Variants in EPHB1 observed in about 807,000 individuals in gnomAD.
EPHB1 encodes the protein EPH receptor B1, also known as ephrin type-B receptor 1.
Under a neutral mutation model 94.4 loss-of-function variants are expected in EPHB1, and 30 were observed. The observed-to-expected ratio is 0.32, with a 90% CI of 0.24 to 0.43. The LOEUF (loss-of-function observed/expected upper bound fraction) is 0.43. EPHB1 is among the 20% of genes least tolerant of loss of function. The pLI is 1.00. For synonymous variants in EPHB1, 522 were observed against 489.1 expected (o/e 1.07, Z -0.89); for missense variants, 1,055 against 1,308.3 (o/e 0.81, Z 2.99).
At chr3:134,908,213 C>T (rs1439172755) in intron 1 of EPHB1, among the ~76,000 whole-genome samples, 1 of 152,226 alleles carries the variant, frequency 6.6e-6, no homozygotes, top group Non-Finnish European at 1.5e-5. Context: ...TGGTGTGGGG[C>T]CTTCTGCGTA....
chr3:135,124,513 C>A (rs1940116064), intron 4 of EPHB1, among the ~76,000 whole-genome samples: 1 of 151,764 alleles, frequency 6.6e-6, no homozygotes, highest in East Asian at 1.9e-4. Context: ...TCCTAAGTGA[C>A]TGGCACTGTT....
rs138232168 is a variant in EPHB1 at position 135,120,682 on chromosome 3, C to T, written c.962-12032C>T. Among the ~76,000 whole-genome samples the T allele has an allele frequency of 3.2e-4, 48 of 152,230 alleles. No homozygotes were observed. The East Asian group carries it at 5.6e-3, about 18-fold the overall frequency. ...TGACCTTGAATTGTTGTCTTAGGAA[C>T]GAGGGCCTTTTCTGGATACCTGGAG... On this transcript the variant is annotated intron_variant, in intron 4 of 15. Transcript: ENST00000398015.
chr3:134,845,369 A>C (rs928321857), intron 1 of EPHB1, among the ~76,000 whole-genome samples: 8 of 152,240 alleles, frequency 5.3e-5, no homozygotes, highest in African/African-American at 1.9e-4. Context: ...CCAGCTGTCC[A>C]TCTACCCATC....
chr3:135,160,267 A>C (rs1182627555), intron 6 of EPHB1, among the ~76,000 whole-genome samples: 1 of 152,234 alleles, frequency 6.6e-6, no homozygotes, highest in Non-Finnish European at 1.5e-5. Flanking sequence ...ACATCAGGTC[A>C]TCTTTGACTT....
chr3:135,148,031 A>ACTAGG, intron 5 of EPHB1, among the ~76,000 whole-genome samples: 2 of 152,366 alleles, frequency 1.3e-5, no homozygotes, highest in East Asian at 3.9e-4. Context: ...AAACTGTTAT[A>ACTAGG]TCATTTGTTA....
At chr3:134,981,909 TTATTAA>T (rs1934414737) in intron 3 of EPHB1, among the ~76,000 whole-genome samples, 1 of 152,226 alleles carries the variant, frequency 6.6e-6, no homozygotes. Context: ...AGCATAATAA[TTATTAA>T]TATTTAGTTA....
intron 3 of EPHB1, among the ~76,000 whole-genome samples, chr3:135,069,019 C>T (rs1342910573): frequency 2.7e-5 from 4 of 146,114 alleles, no homozygotes; most frequent in South Asian, 2.4e-4. Context: ...TTTGGCCGGG[C>T]GTGAGCCACT....
chr3:135,251,827 A>G (rs1933114777), intron 15 of EPHB1, among the ~76,000 whole-genome samples: 2 of 152,190 alleles, frequency 1.3e-5, no homozygotes, highest in Admixed American at 1.3e-4. Context: ...GTACAAAGCA[A>G]TCAGCTGTGC....
At chr3:135,174,396 TACGATGTGC>T (rs1442708112) in intron 9 of EPHB1, among the ~76,000 whole-genome samples, 2 of 152,178 alleles carry the variant, frequency 1.3e-5, no homozygotes, top group East Asian at 3.9e-4. Context: ...TCCAGTGCAA[TACGATGTGC>T]ACTTGTCCTT....
chr3:135,140,101 G>A (rs952692606), intron 5 of EPHB1, among the ~76,000 whole-genome samples: 3 of 152,198 alleles, frequency 2.0e-5, no homozygotes, highest in Non-Finnish European at 2.9e-5. Context: ...TACTGACAAT[G>A]AGACTGGAGG....
intron 3 of EPHB1, among the ~76,000 whole-genome samples, chr3:134,984,573 C>A (rs1326176101): frequency 6.8e-6 from 1 of 146,726 alleles, no homozygotes; most frequent in Non-Finnish European, 1.5e-5. Context: ...GAGGGAAGGG[C>A]CCTCACCTGG....
chr3:135,203,435 A>G (rs1942811150), intron 12 of EPHB1, among the ~76,000 whole-genome samples: 1 of 152,226 alleles, frequency 6.6e-6, no homozygotes, highest in African/African-American at 2.4e-5. Context: ...AATAAAAAAT[A>G]AACTAAAATT....
At chr3:134,806,028 G>A (rs1009792255) in intron 1 of EPHB1, among the ~76,000 whole-genome samples, 2 of 152,132 alleles carry the variant, frequency 1.3e-5, no homozygotes, top group African/African-American at 4.8e-5. Flanking sequence ...CATAGGAGGT[G>A]TCAATAAGTA....
intron 3 of EPHB1, among the ~76,000 whole-genome samples, chr3:135,096,579 T>C (rs563920988): frequency 3.3e-5 from 5 of 152,346 alleles, no homozygotes; most frequent in African/African-American, 1.2e-4. Flanking sequence ...CAAACATTTA[T>C]TTCTCACAGT....
chr3:135,006,111 C>T (rs1369523920), intron 3 of EPHB1, among the ~76,000 whole-genome samples: 3 of 152,196 alleles, frequency 2.0e-5, no homozygotes, highest in African/African-American at 7.2e-5. Flanking sequence ...TGAGGCCTCC[C>T]CAGCCATGTG....
At chr3:135,126,632 A>G (rs893444898) in intron 4 of EPHB1, among the ~76,000 whole-genome samples, 9 of 152,330 alleles carry the variant, frequency 5.9e-5, no homozygotes, top group Middle Eastern at 3.4e-3. Context: ...GTGGCCAGGA[A>G]GGTGCAGATT....
chr3:134,929,555 G>A (rs1002928609), intron 2 of EPHB1, among the ~76,000 whole-genome samples: 5 of 152,178 alleles, frequency 3.3e-5, no homozygotes, highest in African/African-American at 7.2e-5. Flanking sequence ...GACTGAAGGG[G>A]CCAGGGGCTG....
intron 10 of EPHB1, among the ~76,000 whole-genome samples, chr3:135,187,456 A>G (rs915117745): frequency 1.3e-5 from 2 of 152,230 alleles, no homozygotes; most frequent in African/African-American, 4.8e-5. Context: ...TCGAAGTACC[A>G]CAGACATCAA....
At chr3:135,133,181 G>A (rs919969021) in intron 5 of EPHB1, 132 bp downstream of exon 5, 56 of 885,914 alleles carry the variant, frequency 6.3e-5, no homozygotes, top group Non-Finnish European at 8.9e-5. Flanking sequence ...GAAGGTGTCA[G>A]GTGATGGGCA....
Sources: gnomAD v4.1 joint callset for allele counts (sites outside exome capture counted in the v4.1 genomes callset) on GRCh38, gnomAD v4.1.1 for gene constraint, MANE v1.5 for transcripts, NCBI Gene and HGNC (gene_info 2026-07-23, HGNC 2026-07-21) for gene names.